KDM6B: variants seen among roughly 807,000 people sequenced by gnomAD.
KDM6B encodes the protein lysine-specific demethylase 6B.
A neutral mutation model predicts 150.4 loss-of-function variants in KDM6B; 22 were observed. That is an observed-to-expected ratio of 0.15 (90% confidence interval 0.10 to 0.21). The LOEUF is 0.21. Ranked by LOEUF, KDM6B falls within the 10% of genes least tolerant of loss-of-function variation. The pLI, the probability that KDM6B is intolerant of heterozygous loss-of-function variation, is 1.00. For missense variants in KDM6B, 1,984 were observed against 2,234.3 expected (o/e 0.89, Z 2.26); for synonymous variants, 1,148 against 921.1 (o/e 1.25, Z -4.46).
Position 7,848,244 on chromosome 17 carries a change from C to A in KDM6B, c.1956C>A (p.Ala652=). ...PGPPPGPLSK[A]PQPVPPGVGE... Reference sequence around the variant, plus strand: ...CACCCCCAGGCCCCCTGAGTAAAGCCCCCCAGCCTGTGCCGCCCGGGGTTG... The same window carrying A: ...CACCCCCAGGCCCCCTGAGTAAAGCACCCCAGCCTGTGCCGCCCGGGGTTG... Residue 652 remains alanine, a synonymous_variant, in exon 12 of 24, where the codon GCC becomes GCA. Coordinates refer to ENST00000448097, the MANE Select transcript of KDM6B (RefSeq NM_001348716.2). 1.2e-6 allele frequency: 2 copies of A among 1,612,102 alleles called. No individual in the cohort carries two copies. Among genetic ancestry groups the A allele is most frequent in the South Asian group, 1.1e-5 (1 of 91,070 alleles).
chr17:7,846,365 A>C (rs1426687824), intron 7 of KDM6B, 35 bp from the exon 8 acceptor site: 7 of 1,551,282 alleles, frequency 4.5e-6, no homozygotes, highest in East Asian at 4.8e-5. Flanking sequence ...GCCCCACCTG[A>C]CATCTGCCCC....
rs567014557 is a variant in KDM6B at position 7,844,067 on chromosome 17, C to A, written c.-268-834C>A. On this transcript the variant is annotated intron_variant, in intron 2 of 23. Transcript: ENST00000448097. This position sits in a 1 kb window ranked among gnomAD's most constrained non-coding sequence, Gnocchi z 5.9. ...CCTCCCTCCCTCAGGACCCCCCCCC[C>A]CGCAGTACATTTACACACACCGCTT... 3 of 150,328 alleles carry A rather than the reference C, an allele frequency of 2.0e-5. No homozygotes were observed. Among genetic ancestry groups the A allele is most frequent in the East Asian group, 4.0e-4 (2 of 5,034 alleles). The allele number at this position is 150,328 out of a possible 1,614,324, so 9.3% of individuals were successfully genotyped here.
chr17:7,845,618 C>A lies in KDM6B; in HGVS notation c.64C>A (p.Leu22Met). The A allele has an allele frequency of 6.2e-7, 1 of 1,614,184 alleles. No individual in the cohort carries two copies. The highest frequency in any genetic ancestry group is 1.1e-5 in the South Asian group (1 of 91,092). The change falls in exon 5 of 24, where the codon CTG (leucine) becomes ATG (methionine). Residue 22 changes from leucine to methionine, a missense_variant. This residue lies in a region of KDM6B where 337 missense variants were observed against 323.9 expected (regional missense o/e 1.04). Coordinates refer to ENST00000448097, the MANE Select transcript of KDM6B (RefSeq NM_001348716.2). ...ACGGGAAGCCTTTGCCCTTGGGGGC[C>A]TGAGCTGTGCTGGGGCCTGGAGCTC... ...AAREAFALGG[L>M]SCAGAWSSCP...
At chr17:7,836,046 G>C (rs1035070132) in intron 1 of KDM6B, among the ~76,000 whole-genome samples, 17 of 152,320 alleles carry the variant, frequency 1.1e-4, no homozygotes, top group African/African-American at 2.9e-4. Flanking sequence ...CTGCCTTCCC[G>C]GGCTCTGGCT....
rs768440177 is a variant in KDM6B, at chr17:7,847,698, A to G, written c.1410A>G (p.Pro470=). 78 of 794,006 alleles carry G rather than the reference A, an allele frequency of 9.8e-5. 1 individual carries two copies. The Middle Eastern group carries it at 2.5e-3, about 25-fold the overall frequency. The allele number at this position is 794,006 out of a possible 1,614,324, so 49.2% of individuals were successfully genotyped here. The change falls in exon 12 of 24, where the codon CCA becomes CCG. Residue 470 remains proline (P), a synonymous_variant. Transcript: ENST00000448097. ...SLPPGPSSPP[P]PPCPRLLRPP... is the part of the protein sequence containing the mutation. The stretch of plus-strand genomic sequence containing the variant: ...CACCTGGACCTTCCTCACCCCCTCC[A>G]CCCCCCTGTCCCCGCCTCTTACGCC...
In KDM6B at chr17:7,849,657, G is replaced by T. The variant is rs141152580; in HGVS notation, c.3369G>T (p.Val1123=). 24 of 1,610,872 alleles carry T rather than the reference G, an allele frequency of 1.5e-5. No individual in the cohort carries two copies. The African/African-American group carries it at 3.2e-4, about 21-fold the overall frequency. The part of the protein sequence containing the change: ...GDKETFIASE[V]EERRLRMADL... ...AGGAGACCTTTATCGCCTCTGAGGT[G>T]GAAGAGCGGCGGCTGCGCATGGCAG... is the stretch of plus-strand genomic sequence containing the variant. The change falls in exon 12 of 24, where the codon GTG becomes GTT. Residue 1123 remains valine, a synonymous_variant. Transcript: ENST00000448097.
Position 7,846,833 on chromosome 17 carries a change from A to T in KDM6B, c.726A>T (p.Pro242=). ...TTCTCTCCTAGACTGGCCTTCCCCCAGGGCTGCCACTGCCTCCACCACCAT... is the reference window on the plus strand; with the variant it reads ...TTCTCTCCTAGACTGGCCTTCCCCCTGGGCTGCCACTGCCTCCACCACCAT... ...GCNSEQTGLP[P]GLPLPPPPLP... is the part of the protein sequence containing the mutation. The change falls in exon 10 of 24, where the codon CCA becomes CCT. Residue 242 remains proline (P), a synonymous_variant. Transcript: ENST00000448097. 1 of 1,611,278 alleles carries T rather than the reference A, an allele frequency of 6.2e-7. No individual in the cohort carries two copies. Among genetic ancestry groups the T allele is most frequent in the South Asian group, 1.1e-5 (1 of 91,008 alleles).
rs766356793 is a variant in KDM6B, at chr17:7,846,893, A to ACCACCC, written c.788_793dup (p.Pro263_Pro264dup). The ACCACCC allele has an allele frequency of 9.3e-5, 126 of 1,352,294 alleles. No homozygotes were observed. The highest frequency in any genetic ancestry group is 1.2e-4 in the Non-Finnish European group (122 of 988,202). The allele number at this position is 1,352,294 out of a possible 1,614,324, so 83.8% of individuals were successfully genotyped here. A position where few individuals can be genotyped will look rare whatever the true frequency, so the allele number is the denominator to read the frequency against. ...CACCACCACCACCACCACCACCACC[A>ACCACCC]CCACCCCTGCCTGGCCTGGCTACCA... On this transcript the variant is annotated inframe_insertion, in exon 10 of 24. Coordinates refer to ENST00000448097, the MANE Select transcript of KDM6B (RefSeq NM_001348716.2).
chr17:7,849,763 A>T, intron 12 of KDM6B, 35 bp downstream of exon 12: 2 of 1,612,750 alleles, frequency 1.2e-6, no homozygotes, highest in Non-Finnish European at 8.5e-7. Flanking sequence ...TCCCGGAGAC[A>T]GGCTCCCTTC....
In KDM6B at chr17:7,851,319, T is replaced by C; in HGVS notation, c.3880-11T>C. On this transcript the variant is annotated splice_polypyrimidine_tract_variant and intron_variant, in intron 15 of 23. Coordinates refer to ENST00000448097, the MANE Select transcript of KDM6B (RefSeq NM_001348716.2). Reference sequence around the variant, plus strand: ...CTCTGACCCAGGCCTGCCTACCCTCTGGCTGAACAGGAGGAGAAGGAGAGT... The same window carrying C: ...CTCTGACCCAGGCCTGCCTACCCTCCGGCTGAACAGGAGGAGAAGGAGAGT... 5.6e-6 allele frequency: 9 copies of C among 1,613,982 alleles called. No homozygotes were observed. Among genetic ancestry groups the C allele is most frequent in the Non-Finnish European group, 7.6e-6 (9 of 1,179,998 alleles).
chr17:7,851,699 A>T lies in KDM6B; in HGVS notation c.4068A>T (p.Val1356=). ...TGAAGCTGCCCGCCTTCATGCGGGTAACATCCACGGGCAACATGCTGAGCC... is the reference window on the plus strand; with the variant it reads ...TGAAGCTGCCCGCCTTCATGCGGGTTACATCCACGGGCAACATGCTGAGCC... ...ELLKLPAFMR[V]TSTGNMLSHV... is the part of the protein sequence containing the mutation. Residue 1356 remains valine, a synonymous_variant, in exon 18 of 24, where the codon GTA becomes GTT. Coordinates refer to ENST00000448097, the MANE Select transcript of KDM6B (RefSeq NM_001348716.2). The T allele has an allele frequency of 6.4e-7, 1 of 1,568,698 alleles. No individual in the cohort carries two copies. The highest frequency in any genetic ancestry group is 8.6e-7 in the Non-Finnish European group (1 of 1,157,188).
Position 7,851,374 on chromosome 17 carries a change from C to T in KDM6B, c.3924C>T (p.Ser1308=). The T allele has an allele frequency of 1.2e-6, 2 of 1,614,192 alleles. No homozygotes were observed. Among genetic ancestry groups the T allele is most frequent in the Non-Finnish European group, 1.7e-6 (2 of 1,180,022 alleles). The change falls in exon 16 of 24, where the codon AGC becomes AGT. Residue 1308 remains serine (S), a synonymous_variant. Transcript: ENST00000448097. The stretch of plus-strand genomic sequence containing the variant: ...ATGAGGAGTCAGAGGAGCCAGACAG[C>T]ACCACTGGAACCCCTCCTAGGTACT... ...SEDEESEEPD[S]TTGTPPSSAP...
In KDM6B at chr17:7,845,416, C is replaced by T. The variant is rs57293991; in HGVS notation, c.-46C>T. ...GTCCCAGAGAGCTGGGGCAGGGGGCCGTGCCCAATCTCCAGGGCTCCTGGG... is the reference window on the plus strand; with the variant it reads ...GTCCCAGAGAGCTGGGGCAGGGGGCTGTGCCCAATCTCCAGGGCTCCTGGG... On this transcript the variant is annotated 5_prime_UTR_variant, in exon 4 of 24. Coordinates refer to ENST00000448097, the MANE Select transcript of KDM6B (RefSeq NM_001348716.2). 1.0e-3 allele frequency: 1,091 copies of T among 1,062,508 alleles called. 8 individuals carry two copies. The African/African-American group carries it at 0.015, about 15-fold the overall frequency. The allele number at this position is 1,062,508 out of a possible 1,614,324, so 65.8% of individuals were successfully genotyped here.
rs927217129 is a variant in KDM6B at position 7,845,793 on chromosome 17, C to T, written c.138-79C>T. 28 of 1,586,330 alleles carry T rather than the reference C, an allele frequency of 1.8e-5. No individual in the cohort carries two copies. In the African/African-American group the frequency reaches 2.7e-4, roughly 15 times the overall value. On this transcript the variant is annotated intron_variant, in intron 5 of 23. Transcript: ENST00000448097. ...GGGTTCCTGTCATTCTGTGGGCTTCCGTGCATCAGCCCCCTCCTGCCTAGG... is the reference window on the plus strand; with the variant it reads ...GGGTTCCTGTCATTCTGTGGGCTTCTGTGCATCAGCCCCCTCCTGCCTAGG...
Position 7,853,549 on chromosome 17 carries a change from C to T in KDM6B, c.*28C>T. The T allele has an allele frequency of 3.5e-6, 5 of 1,418,030 alleles. No individual in the cohort carries two copies. The highest frequency in any genetic ancestry group is 4.6e-6 in the Non-Finnish European group (5 of 1,087,998). 87.8% of individuals were successfully genotyped at this position (1,418,030 alleles called of 1,614,324 possible). On this transcript the variant is annotated 3_prime_UTR_variant, in exon 24 of 24. Coordinates refer to ENST00000448097, the MANE Select transcript of KDM6B (RefSeq NM_001348716.2). ...CCGGACGCCCCGCCCGCCTGCCTGC[C>T]CGCGCAAGGCGCCGCGGGGCCACCA...
At position 7,854,773 on chromosome 17, in the gene KDM6B, T is replaced by G; in HGVS notation, c.*1252T>G. 2.8e-6 allele frequency: 1 copy of G among 356,502 alleles called. No homozygotes were observed. Among genetic ancestry groups the G allele is most frequent in the Non-Finnish European group, 5.2e-6 (1 of 192,628 alleles). The allele number at this position is 356,502 out of a possible 1,614,324, so 22.1% of individuals were successfully genotyped here. A position where few individuals can be genotyped will look rare whatever the true frequency, so the allele number is the denominator to read the frequency against. ...TGATTTTTGTGTGAGAATATTAATATTAAAAATAAACGGAGAAAAAAAATC... is the reference window on the plus strand; with the variant it reads ...TGATTTTTGTGTGAGAATATTAATAGTAAAAATAAACGGAGAAAAAAAATC... On this transcript the variant is annotated 3_prime_UTR_variant, in exon 24 of 24. Transcript: ENST00000448097.
Position 7,844,455 on chromosome 17 carries a change from G to T in KDM6B, c.-268-446G>T, listed in dbSNP as rs907133132. ...GGGTTTGGGTGCCGTGGAAGTCGCTGTGGCTGGCCAGCCCTAAGCAGTTAA... is the reference window on the plus strand; with the variant it reads ...GGGTTTGGGTGCCGTGGAAGTCGCTTTGGCTGGCCAGCCCTAAGCAGTTAA... On this transcript the variant is annotated intron_variant, in intron 2 of 23. Coordinates refer to ENST00000448097, the MANE Select transcript of KDM6B (RefSeq NM_001348716.2). This position sits in a 1 kb window ranked among gnomAD's most constrained non-coding sequence, Gnocchi z 5.9. The T allele has an allele frequency of 2.0e-5, 3 of 152,422 alleles. No homozygotes were observed. The highest frequency in any genetic ancestry group is 4.4e-5 in the Non-Finnish European group (3 of 68,180). 9.4% of individuals were successfully genotyped at this position (152,422 alleles called of 1,614,324 possible).
Position 7,848,617 on chromosome 17 carries a change from C to A in KDM6B, c.2329C>A (p.Pro777Thr), listed in dbSNP as rs751102588. 1.3e-6 allele frequency: 2 copies of A among 1,596,238 alleles called. No homozygotes were observed. The highest frequency in any genetic ancestry group is 2.3e-5 in the East Asian group (1 of 43,694). Reference protein sequence around the residue: ...EEKKPPPALPPPPPLAKFPPP... With the variant: ...EEKKPPPALPTPPPLAKFPPP... ...GAAGAAGCCACCACCAGCCCTACCACCACCACCGCCTCTAGCCAAGTTCCC... is the reference window on the plus strand; with the variant it reads ...GAAGAAGCCACCACCAGCCCTACCAACACCACCGCCTCTAGCCAAGTTCCC... Residue 777 changes from proline (P) to threonine (T), a missense_variant, in exon 12 of 24, where the codon CCA becomes ACA. Physicochemically the swap from Pro to Thr is conservative, Grantham distance 38. Transcript: ENST00000448097.
Position 7,845,563 on chromosome 17 carries a change from G to A in KDM6B, c.9G>A (p.Arg3=). The A allele has an allele frequency of 6.2e-7, 1 of 1,614,164 alleles. No homozygotes were observed. MH[R]AVDPPGARAA... is the part of the protein sequence containing the mutation. ...TCCCCAACTCAGGCTGGATGCATCG[G>A]GCAGTGGACCCTCCAGGGGCCCGCG... The change falls in exon 5 of 24, where the codon CGG becomes CGA. Residue 3 remains arginine, a synonymous_variant. Transcript: ENST00000448097.
Sources: gnomAD v4.1 joint callset for allele counts (sites outside exome capture counted in the v4.1 genomes callset) on GRCh38, gnomAD v4.1.1 for gene constraint, gnomAD v4.1.1 regional missense constraint, Gnocchi (gnomAD v3.1) non-coding constraint, MANE v1.5 for transcripts, NCBI Gene and HGNC (gene_info 2026-07-23, HGNC 2026-07-21) for gene names.